Variants in HHAT observed in about 807,000 individuals in gnomAD.
The protein encoded by HHAT is hedgehog acyltransferase, also known as protein-cysteine N-palmitoyltransferase HHAT.
A neutral mutation model predicts 70.8 loss-of-function variants in HHAT; 47 were observed. The observed-to-expected ratio is 0.66, with a 90% CI of 0.53 to 0.85. The LOEUF (loss-of-function observed/expected upper bound fraction) is 0.85. Among genes scored for constraint, HHAT ranks in the 40% least tolerant of loss-of-function variants. The pLI, the probability that HHAT is intolerant of heterozygous loss-of-function variation, is 0.00. For synonymous variants in HHAT, 228 were observed against 247.6 expected, an observed-to-expected ratio of 0.92 and a Z score of 0.74; for missense variants, 609 against 604.8, an observed-to-expected ratio of 1.01 and a Z score of -0.07.
chr1:210,517,586 A>C (rs897234093), intron 9 of HHAT, among the ~76,000 whole-genome samples: 1 of 152,202 alleles, frequency 6.6e-6, no homozygotes, highest in Admixed American at 6.5e-5. Flanking sequence ...GGAATACACA[A>C]TTTCAGTTAG....
chr1:210,374,850 C>G (rs919695727), intron 3 of HHAT, among the ~76,000 whole-genome samples: 21 of 150,144 alleles, frequency 1.4e-4, no homozygotes, highest in African/African-American at 4.4e-4. Context: ...TATTGTGTGA[C>G]GCTGAGGTTG....
rs142830376 is a variant in HHAT at position 210,421,103 on chromosome 1, C to T, written c.856+2778C>T. On this transcript the variant is annotated intron_variant, in intron 7 of 11. Coordinates refer to ENST00000261458, the MANE Select transcript of HHAT (RefSeq NM_018194.6). The stretch of plus-strand genomic sequence containing the variant: ...TTTAATACAATCCCTATCAAAGTAC[C>T]AGTGACATTCTGCACAGAAATAGAA... 2.1e-3 allele frequency among the ~76,000 whole-genome samples: 314 copies of T among 152,180 alleles called. 10 individuals carry two copies. Among genetic ancestry groups the T allele is most frequent in the Non-Finnish European group, 1.2e-3 (82 of 68,018 alleles).
intron 11 of HHAT, among the ~76,000 whole-genome samples, chr1:210,658,601 C>T (rs1015893186): frequency 2.0e-5 from 3 of 152,204 alleles, no homozygotes; most frequent in Non-Finnish European, 2.9e-5. Context: ...TAGACATCTA[C>T]AGAACTCTCT....
chr1:210,642,741 A>G (rs1376653205), intron 11 of HHAT, among the ~76,000 whole-genome samples: 1 of 152,128 alleles, frequency 6.6e-6, no homozygotes, highest in African/African-American at 2.4e-5. Context: ...ATTCTGGGTA[A>G]GAATTTTTTG....
At chr1:210,410,523 A>ATTTTTTTTTTTTTTTT (rs35608235) in intron 6 of HHAT, among the ~76,000 whole-genome samples, 12 of 116,420 alleles carry the variant, frequency 1.0e-4, no homozygotes, top group African/African-American at 4.0e-4. Flanking sequence ...TTATTTGTAA[A>ATTTTTTTTTTTTTTTT]TTTTTTTTTT....
chr1:210,504,359 C>G (rs760695754), intron 8 of HHAT, among the ~76,000 whole-genome samples: 27 of 152,198 alleles, frequency 1.8e-4, no homozygotes, highest in Non-Finnish European at 3.5e-4. Flanking sequence ...GCATTTGTAC[C>G]TACTACATTT....
intron 8 of HHAT, 107 bp from the exon 9 acceptor site, chr1:210,513,046 A>G: frequency 1.4e-6 from 1 of 694,230 alleles, no homozygotes; most frequent in Non-Finnish European, 2.5e-6. Flanking sequence ...GTGGTAGAGC[A>G]ATCCATTTAG....
chr1:210,585,256 C>G (rs968140689), intron 9 of HHAT, among the ~76,000 whole-genome samples: 2 of 152,058 alleles, frequency 1.3e-5, no homozygotes, highest in African/African-American at 4.8e-5. Flanking sequence ...ATGGGATTAT[C>G]TAAGGTGATC....
intron 2 of HHAT, among the ~76,000 whole-genome samples, chr1:210,357,799 G>A (rs554229663): frequency 5.9e-4 from 90 of 152,276 alleles, no homozygotes; most frequent in African/African-American, 2.1e-3. Context: ...CAGCCTGGGC[G>A]ACAGAGTGAG....
At chr1:210,604,116 T>C (rs577371806) in intron 10 of HHAT, among the ~76,000 whole-genome samples, 2 of 152,192 alleles carry the variant, frequency 1.3e-5, no homozygotes, top group South Asian at 2.1e-4. Flanking sequence ...TGAGACAGAG[T>C]CTCACTAGCC....
chr1:210,356,091 G>C (rs549006639), intron 2 of HHAT, among the ~76,000 whole-genome samples: 1 of 132,868 alleles, frequency 7.5e-6, no homozygotes, highest in South Asian at 2.4e-4. Context: ...CACTTGCTTG[G>C]CTATTTTTTT....
At chr1:210,672,298 T>C (rs1251965391) in intron 11 of HHAT, among the ~76,000 whole-genome samples, 1 of 152,160 alleles carries the variant, frequency 6.6e-6, no homozygotes, top group African/African-American at 2.4e-5. Context: ...GAAGAGAACC[T>C]GTAATCACCC....
At chr1:210,558,356 C>A (rs963035538) in intron 9 of HHAT, among the ~76,000 whole-genome samples, 2 of 152,192 alleles carry the variant, frequency 1.3e-5, no homozygotes, top group African/African-American at 2.4e-5. Flanking sequence ...CAGTAGAGTT[C>A]TCCTACCTGG....
intron 11 of HHAT, among the ~76,000 whole-genome samples, chr1:210,635,390 T>C (rs996258905): frequency 2.0e-5 from 3 of 152,178 alleles, no homozygotes; most frequent in African/African-American, 7.2e-5. Flanking sequence ...CACTTCATCC[T>C]TAGTAGGCTG....
intron 8 of HHAT, among the ~76,000 whole-genome samples, chr1:210,465,046 G>A (rs1047684921): frequency 3.3e-5 from 5 of 152,122 alleles, no homozygotes; most frequent in Non-Finnish European, 7.4e-5. Flanking sequence ...AGGAGGTTAG[G>A]CCAGTGTTGC....
intron 10 of HHAT, among the ~76,000 whole-genome samples, chr1:210,621,787 C>T (rs529318906): frequency 6.6e-6 from 1 of 152,288 alleles, no homozygotes; most frequent in Non-Finnish European, 1.5e-5. Flanking sequence ...AGTAGAGACA[C>T]CCTACATCAC....
At chr1:210,611,178 A>G (rs1037709383) in intron 10 of HHAT, among the ~76,000 whole-genome samples, 4 of 152,060 alleles carry the variant, frequency 2.6e-5, no homozygotes, top group African/African-American at 9.7e-5. Flanking sequence ...GTCCTCACTG[A>G]TTTATTTGAG....
intron 10 of HHAT, among the ~76,000 whole-genome samples, chr1:210,591,777 TGACTTTAGTGTTGA>T (rs1175960993): frequency 6.6e-6 from 1 of 152,134 alleles, no homozygotes; most frequent in East Asian, 1.9e-4. Flanking sequence ...TGAATTTTTC[TGACTTTAGTGTTGA>T]GCACTTTTTC....
chr1:210,556,748 A>C (rs11119541), intron 9 of HHAT, among the ~76,000 whole-genome samples: 44,547 of 152,068 alleles, frequency 0.29, 6,705 homozygotes, highest in Middle Eastern at 0.36. Flanking sequence ...ATTTAACTTC[A>C]TATAATTTGC....
Sources: gnomAD v4.1 joint callset for allele counts (sites outside exome capture counted in the v4.1 genomes callset) on GRCh38, gnomAD v4.1.1 for gene constraint, MANE v1.5 for transcripts, NCBI Gene and HGNC (gene_info 2026-07-23, HGNC 2026-07-21) for gene names.